Variants in LMTK2 observed in about 807,000 individuals in gnomAD.
LMTK2 encodes lemur tail kinase 2.
Under a neutral mutation model 127.5 loss-of-function variants are expected in LMTK2, and 37 were observed. That is an observed-to-expected ratio of 0.29 (90% confidence interval 0.22 to 0.38). The LOEUF (loss-of-function observed/expected upper bound fraction) is 0.38. Ranked by LOEUF, LMTK2 falls within the 10% of genes least tolerant of loss-of-function variation. LMTK2 has a pLI of 1.00. For synonymous variants in LMTK2, 819 were observed against 810.1 expected, an observed-to-expected ratio of 1.01 and a Z score of -0.19; for missense variants, 1,694 against 1,920.3, an observed-to-expected ratio of 0.88 and a Z score of 2.20.
chr7:98,174,693 A>T (rs1413326670), intron 7 of LMTK2, among the ~76,000 whole-genome samples: 1 of 152,212 alleles, frequency 6.6e-6, no homozygotes, highest in Non-Finnish European at 1.5e-5. Flanking sequence ...CATTGTGTAC[A>T]AAAGAACCTC....
At chr7:98,178,667 G>T (rs1797309238) in intron 7 of LMTK2, among the ~76,000 whole-genome samples, 1 of 152,226 alleles carries the variant, frequency 6.6e-6, no homozygotes, top group African/African-American at 2.4e-5. Flanking sequence ...TTGTTAAGAA[G>T]TGACACCTGT....
chr7:98,167,585 A>G (rs775695622), intron 6 of LMTK2, among the ~76,000 whole-genome samples: 28 of 152,220 alleles, frequency 1.8e-4, no homozygotes, highest in Non-Finnish European at 3.1e-4. Flanking sequence ...AGAACTCACA[A>G]ATGACATCTT....
intron 10 of LMTK2, among the ~76,000 whole-genome samples, chr7:98,191,311 T>C (rs572670737): frequency 6.6e-6 from 1 of 152,164 alleles, no homozygotes; most frequent in African/African-American, 2.4e-5. Flanking sequence ...CCCAGCACTT[T>C]GGGAGGCTGA....
intron 7 of LMTK2, among the ~76,000 whole-genome samples, chr7:98,184,288 G>A (rs1049150603): frequency 1.3e-5 from 2 of 152,170 alleles, no homozygotes; most frequent in East Asian, 1.9e-4. Context: ...TGAGGTCTTT[G>A]AGAAGAGGAT....
intron 3 of LMTK2, among the ~76,000 whole-genome samples, chr7:98,146,270 CTTT>C (rs1306997607): frequency 6.6e-6 from 1 of 152,082 alleles, no homozygotes; most frequent in Non-Finnish European, 1.5e-5. Flanking sequence ...TATGAGTCTT[CTTT>C]GTTTTAATTT....
intron 1 of LMTK2, among the ~76,000 whole-genome samples, chr7:98,116,620 T>C (rs968226174): frequency 6.6e-6 from 1 of 152,210 alleles, no homozygotes; most frequent in Non-Finnish European, 1.5e-5. Context: ...ATTGCAAAGA[T>C]AGTACAGAGT....
At chr7:98,184,272 C>A (rs1797397841) in intron 7 of LMTK2, among the ~76,000 whole-genome samples, 1 of 152,058 alleles carries the variant, frequency 6.6e-6, no homozygotes, top group Non-Finnish European at 1.5e-5. Context: ...TCTTAGTGTG[C>A]CTGTTTGAGG....
intron 1 of LMTK2, among the ~76,000 whole-genome samples, chr7:98,116,424 G>C (rs990306192): frequency 4.8e-5 from 7 of 146,152 alleles, no homozygotes; most frequent in African/African-American, 1.5e-4. Flanking sequence ...GTGTGTTTGT[G>C]CGTGTGTGTG....
Position 98,140,127 on chromosome 7 carries a change from T to C in LMTK2, c.232-1270T>C, listed in dbSNP as rs10257410. Among the ~76,000 whole-genome samples the C allele has an allele frequency of 9.5e-3, 627 of 65,662 alleles. 44 individuals carry two copies. Among genetic ancestry groups the C allele is most frequent in the African/African-American group, 0.066 (462 of 7,036 alleles). 43.1% of individuals were successfully genotyped at this position (65,662 alleles called of 152,430 possible). On this transcript the variant is annotated intron_variant, in intron 2 of 13. Transcript: ENST00000297293. ...CTTTCTTTCTTTCTTTCTTTCTTTC[T>C]TTCTTTCTTTCTTTCTTTTCTTTTC...
chr7:98,124,079 G>C (rs1796408316), intron 1 of LMTK2, among the ~76,000 whole-genome samples: 2 of 152,072 alleles, frequency 1.3e-5, no homozygotes, highest in South Asian at 4.1e-4. Flanking sequence ...TTTGGGTTGG[G>C]CACTGTCTTT....
chr7:98,204,981 C>T (rs770839483), intron 13 of LMTK2, among the ~76,000 whole-genome samples: 9 of 152,074 alleles, frequency 5.9e-5, no homozygotes, highest in East Asian at 3.9e-4. Context: ...CTCCCGAGGG[C>T]GGGGTGGGGT....
chr7:98,154,693 T>G, intron 4 of LMTK2, 65 bp from the exon 5 acceptor site: 1 of 1,019,708 alleles, frequency 9.8e-7, no homozygotes, highest in Non-Finnish European at 1.5e-6. Flanking sequence ...CATTTCCCGG[T>G]AAATGCAGCA....
chr7:98,122,159 A>T (rs551123821), intron 1 of LMTK2, among the ~76,000 whole-genome samples: 1 of 152,324 alleles, frequency 6.6e-6, no homozygotes, highest in African/African-American at 2.4e-5. Flanking sequence ...GATACTTTAA[A>T]CACCACCATT....
chr7:98,194,685 T>A lies in LMTK2; in HGVS notation c.4107+113T>A. The A allele has an allele frequency of 1.0e-6, 1 of 976,646 alleles. No homozygotes were observed. The highest frequency in any genetic ancestry group is 1.5e-6 in the Non-Finnish European group (1 of 678,828). 60.5% of individuals were successfully genotyped at this position (976,646 alleles called of 1,614,324 possible). A position where few individuals can be genotyped will look rare whatever the true frequency, so the allele number is the denominator to read the frequency against. On this transcript the variant is annotated intron_variant, in intron 11 of 13. Coordinates refer to ENST00000297293, the MANE Select transcript of LMTK2 (RefSeq NM_014916.4). The surrounding 1 kb of genome is among the most constrained non-coding windows in gnomAD (Gnocchi z 5.4). ...GTTGCCATTTTGAGGCAGCAGATTG[T>A]GATTACTCACAAAAAGTAATTTGGG... is the stretch of plus-strand genomic sequence containing the variant.
rs1411656393 is a variant in LMTK2 at position 98,207,390 on chromosome 7, A to G, written c.*1898A>G. The G allele has an allele frequency of 6.6e-6, 1 of 152,000 alleles. No individual in the cohort carries two copies. The highest frequency in any genetic ancestry group is 1.5e-5 in the Non-Finnish European group (1 of 68,016). The allele number at this position is 152,000 out of a possible 1,614,324, so 9.4% of individuals were successfully genotyped here. ...CCTCTCATTTTTTATACTAAGCAAT[A>G]ACTTTCCAAAGCAAGAAGTTCAGGA... On this transcript the variant is annotated 3_prime_UTR_variant, in exon 14 of 14. Coordinates refer to ENST00000297293, the MANE Select transcript of LMTK2 (RefSeq NM_014916.4).
chr7:98,140,134 CTTT>C (rs1562902625), intron 2 of LMTK2, among the ~76,000 whole-genome samples: 107 of 17,750 alleles, frequency 6.0e-3, no homozygotes, highest in Non-Finnish European at 0.014. Flanking sequence ...TTCTTTCTTT[CTTT>C]CTTTCTTTTC....
At chr7:98,191,537 G>A in intron 10 of LMTK2, 77 bp from the exon 11 acceptor site, 2 of 1,216,836 alleles carry the variant, frequency 1.6e-6, no homozygotes, top group Non-Finnish European at 2.3e-6. Context: ...GGGTGACAGA[G>A]CAAGACTCCG....
In LMTK2 at chr7:98,195,223, A is replaced by G. The variant is rs768511799; in HGVS notation, c.4107+651A>G. Reference sequence around the variant, plus strand: ...CTGACAATTGGCAGTAGGACCCACCACTTGGGTACAAGCCTGGAACCATGG... The same window carrying G: ...CTGACAATTGGCAGTAGGACCCACCGCTTGGGTACAAGCCTGGAACCATGG... On this transcript the variant is annotated intron_variant, in intron 11 of 13. Coordinates refer to ENST00000297293, the MANE Select transcript of LMTK2 (RefSeq NM_014916.4). 4.8e-4 allele frequency among the ~76,000 whole-genome samples: 73 copies of G among 152,078 alleles called. 1 individual carries two copies. Among genetic ancestry groups the G allele is most frequent in the Non-Finnish European group, 8.8e-5 (6 of 68,006 alleles).
intron 1 of LMTK2, among the ~76,000 whole-genome samples, chr7:98,109,546 C>T (rs1325901414): frequency 6.6e-6 from 1 of 151,894 alleles, no homozygotes; most frequent in African/African-American, 2.4e-5. Context: ...GAGTTCGAGA[C>T]CAGCCTGACC....
Sources: gnomAD v4.1 joint callset for allele counts (sites outside exome capture counted in the v4.1 genomes callset) on GRCh38, gnomAD v4.1.1 for gene constraint, Gnocchi (gnomAD v3.1) non-coding constraint, MANE v1.5 for transcripts, NCBI Gene and HGNC (gene_info 2026-07-23, HGNC 2026-07-21) for gene names.